Variants in NCOA2 observed in about 807,000 individuals in gnomAD.
NCOA2 encodes nuclear receptor coactivator 2.
In NCOA2, 21 loss-of-function variants were observed where a neutral mutation model predicts 145.1. The ratio of observed to expected loss-of-function variants is 0.14; its 90% CI spans 0.10 to 0.21. The LOEUF (loss-of-function observed/expected upper bound fraction) is 0.21, where lower values mean the gene tolerates loss of function less well. Ranked by LOEUF, NCOA2 falls within the 10% of genes least tolerant of loss-of-function variation. NCOA2 has a pLI of 1.00. For missense variants in NCOA2, 1,472 were observed against 1,837.6 expected, an observed-to-expected ratio of 0.80 and a Z score of 3.64; for synonymous variants, 619 against 637.5, an observed-to-expected ratio of 0.97 and a Z score of 0.44.
At chr8:70,390,125 G>C (rs1199062329) in intron 1 of NCOA2, among the ~76,000 whole-genome samples, 2 of 152,098 alleles carry the variant, frequency 1.3e-5, no homozygotes, top group African/African-American at 4.8e-5. Context: ...CTAAGTATAT[G>C]ACTTCCCAGT....
At position 70,301,655 on chromosome 8, in the gene NCOA2, C is replaced by CAAAAAA. The variant is rs71275063; in HGVS notation, c.-76-4861_-76-4856dup. 2.5e-3 allele frequency among the ~76,000 whole-genome samples: 152 copies of CAAAAAA among 60,128 alleles called. 3 individuals carry two copies. The highest frequency in any genetic ancestry group is 4.4e-3 in the East Asian group (7 of 1,592). The allele number at this position is 60,128 out of a possible 152,430, so 39.4% of individuals were successfully genotyped here. A position where few individuals can be genotyped will look rare whatever the true frequency, so the allele number is the denominator to read the frequency against. On this transcript the variant is annotated intron_variant, in intron 1 of 22. Coordinates refer to ENST00000452400, the MANE Select transcript of NCOA2 (RefSeq NM_006540.4). ...TAGGTGACAGAGTGAGACCCTTTCT[C>CAAAAAA]AAAAAAAAAAAAAAAAAAAAAAAAA...
chr8:70,156,881 C>G lies in NCOA2; in HGVS notation c.1484G>C (p.Gly495Ala), dbSNP rs1447723896. ...TGGGATTCGAGGGCTGCCAGCCACT[C>G]CAGGGCTCATGCGATGCCTTGGTGA... is the stretch of plus-strand genomic sequence containing the variant. ...MLSPRHRMSP[G>A]VAGSPRIPPS... is the part of the protein sequence containing the mutation. The change falls in exon 11 of 23, where the codon GGA (glycine) becomes GCA (alanine). Residue 495 changes from glycine to alanine, a missense_variant. This residue lies in a region of NCOA2 where 953 missense variants were observed against 1,062.1 expected (regional missense o/e 0.90). Coordinates refer to ENST00000452400, the MANE Select transcript of NCOA2 (RefSeq NM_006540.4). 6.2e-7 allele frequency: 1 copy of G among 1,614,010 alleles called. No individual in the cohort carries two copies. Among genetic ancestry groups the G allele is most frequent in the South Asian group, 1.1e-5 (1 of 91,080 alleles).
Position 70,304,688 on chromosome 8 carries a change from G to C in NCOA2, c.-76-7888C>G, listed in dbSNP as rs1293228692. Among the ~76,000 whole-genome samples, 12 of 151,298 alleles carry C rather than the reference G, an allele frequency of 7.9e-5. 1 individual carries two copies. The highest frequency in any genetic ancestry group is 7.9e-4 in the Admixed American group (12 of 15,160). On this transcript the variant is annotated intron_variant, in intron 1 of 22. Transcript: ENST00000452400. ...TTTGTTTTTTTTTTAGTAGAGACAG[G>C]GTTTCACCATCTTGGTCAGACTGGT...
intron 1 of NCOA2, among the ~76,000 whole-genome samples, chr8:70,399,802 A>G (rs1327531699): frequency 2.0e-5 from 3 of 152,244 alleles, no homozygotes; most frequent in African/African-American, 7.2e-5. Context: ...TTTACTATCC[A>G]ATATCCTAAA....
chr8:70,111,832 C>G lies in NCOA2; in HGVS notation c.*1800G>C, dbSNP rs1394729974. 1 of 219,980 alleles carries G rather than the reference C, an allele frequency of 4.5e-6. No individual in the cohort carries two copies. Among genetic ancestry groups the G allele is most frequent in the Non-Finnish European group, 9.1e-6 (1 of 109,962 alleles). The allele number at this position is 219,980 out of a possible 1,614,324, so 13.6% of individuals were successfully genotyped here. On this transcript the variant is annotated 3_prime_UTR_variant, in exon 23 of 23. Coordinates refer to ENST00000452400, the MANE Select transcript of NCOA2 (RefSeq NM_006540.4). ...ATTTCAAGGAAAAACTTCTCTGTTC[C>G]TAAAAAGCCTGGCTAATGAGATATT... is the stretch of plus-strand genomic sequence containing the variant.
intron 1 of NCOA2, among the ~76,000 whole-genome samples, chr8:70,315,590 G>T (rs1420493489): frequency 6.6e-6 from 1 of 152,102 alleles, no homozygotes; most frequent in Non-Finnish European, 1.5e-5. Flanking sequence ...AAATACAGAA[G>T]TATCTCTTGC....
Position 70,346,491 on chromosome 8 carries a change from C to A in NCOA2, c.-76-49691G>T, listed in dbSNP as rs543873410. ...TTTTCATTATTATTGAAATGACTAT[C>A]AATCTGAACTTGAGTTGCCTGCCTT... On this transcript the variant is annotated intron_variant, in intron 1 of 22. Coordinates refer to ENST00000452400, the MANE Select transcript of NCOA2 (RefSeq NM_006540.4). 2.6e-5 allele frequency among the ~76,000 whole-genome samples: 4 copies of A among 152,284 alleles called. No individual in the cohort carries two copies. In the East Asian group the frequency reaches 7.7e-4, roughly 29 times the overall value.
chr8:70,265,623 A>T (rs141106856), intron 2 of NCOA2, among the ~76,000 whole-genome samples: 5 of 152,190 alleles, frequency 3.3e-5, no homozygotes, highest in African/African-American at 1.2e-4. Context: ...CCTCTTCTTC[A>T]AAACAATCAG....
intron 2 of NCOA2, among the ~76,000 whole-genome samples, chr8:70,218,201 T>TG (rs1554597745): frequency 7.4e-4 from 110 of 149,026 alleles, no homozygotes; most frequent in African/African-American, 2.6e-3. Context: ...TGGAGTTAGT[T>TG]TTTTTTTTTT....
intron 4 of NCOA2, among the ~76,000 whole-genome samples, chr8:70,203,398 C>A (rs1481891384): frequency 6.6e-6 from 1 of 151,844 alleles, no homozygotes; most frequent in East Asian, 1.9e-4. Context: ...TCTACCAGTA[C>A]AACAGATTTT....
chr8:70,208,276 A>G (rs911437816), intron 4 of NCOA2, among the ~76,000 whole-genome samples: 8 of 151,378 alleles, frequency 5.3e-5, no homozygotes, highest in Non-Finnish European at 1.0e-4. Flanking sequence ...GAGAAGATGC[A>G]GAAGATATTT....
At chr8:70,221,057 G>A (rs1483190289) in intron 2 of NCOA2, among the ~76,000 whole-genome samples, 1 of 152,172 alleles carries the variant, frequency 6.6e-6, no homozygotes, top group Non-Finnish European at 1.5e-5. Flanking sequence ...TACTTGAAGA[G>A]GACCTGCCTG....
chr8:70,207,346 A>T (rs1818546961), intron 4 of NCOA2, among the ~76,000 whole-genome samples: 1 of 152,194 alleles, frequency 6.6e-6, no homozygotes, highest in South Asian at 2.1e-4. Context: ...ATTATAACAC[A>T]TTCAATTATT....
intron 1 of NCOA2, among the ~76,000 whole-genome samples, chr8:70,379,271 A>G (rs1586640448): frequency 6.6e-6 from 1 of 152,328 alleles, no homozygotes; most frequent in African/African-American, 2.4e-5. Flanking sequence ...AATCTAGGAA[A>G]GCTTCTATTG....
chr8:70,202,244 T>C (rs1586075810), intron 4 of NCOA2, among the ~76,000 whole-genome samples: 3 of 152,118 alleles, frequency 2.0e-5, no homozygotes, highest in Admixed American at 2.0e-4. Context: ...GGTGGAATTG[T>C]AAAATGATGC....
At chr8:70,410,016 C>T in the NCOA2 span, among the ~76,000 whole-genome samples, 1 of 152,098 alleles carries the variant, frequency 6.6e-6, no homozygotes, top group Non-Finnish European at 1.5e-5. Context: ...TCGAGACCAG[C>T]CTGGCCAACA....
chr8:70,424,218 C>T, the NCOA2 span: 1 of 353,096 alleles, frequency 2.8e-6, no homozygotes, highest in South Asian at 2.4e-5. Flanking sequence ...AGTGGTGCAG[C>T]CCTCTACAGG....
chr8:70,455,345 G>A, the NCOA2 span, among the ~76,000 whole-genome samples: 75 of 152,258 alleles, frequency 4.9e-4, no homozygotes, highest in African/African-American at 1.8e-3. Flanking sequence ...CCCTCCTATC[G>A]GAAAGGGAAT....
chr8:70,364,591 A>G (rs1274354234), intron 1 of NCOA2, among the ~76,000 whole-genome samples: 2 of 152,224 alleles, frequency 1.3e-5, no homozygotes, highest in Non-Finnish European at 2.9e-5. Flanking sequence ...ACTCTGAGCT[A>G]TGAAAGATGA....
Sources: allele counts gnomAD v4.1 joint callset (sites outside exome capture counted in the v4.1 genomes callset), GRCh38; gene constraint gnomAD v4.1.1; regional missense constraint gnomAD v4.1.1; transcripts MANE v1.5; gene names NCBI Gene and HGNC (gene_info 2026-07-23, HGNC 2026-07-21).